MAML3: variants seen among roughly 807,000 people sequenced by gnomAD.
MAML3 encodes mastermind-like protein 3.
A neutral mutation model predicts 101.9 loss-of-function variants in MAML3; 27 were observed. The observed-to-expected ratio is 0.27, with a 90% CI of 0.20 to 0.37. The LOEUF is 0.37. Ranked by LOEUF, MAML3 falls within the 10% of genes least tolerant of loss-of-function variation. The pLI is 1.00. For synonymous variants in MAML3, 501 were observed against 555.9 expected (o/e 0.90, Z 1.39); for missense variants, 1,316 against 1,444.9 (o/e 0.91, Z 1.45).
At chr4:140,042,353 A>G (rs1336453342) in intron 1 of MAML3, among the ~76,000 whole-genome samples, 1 of 151,930 alleles carries the variant, frequency 6.6e-6, no homozygotes, top group Non-Finnish European at 1.5e-5. Flanking sequence ...AACACACCCC[A>G]CTCTGAGGGA....
chr4:139,791,592 T>G lies in MAML3; in HGVS notation c.2080-60925A>C, dbSNP rs565119368. Among the ~76,000 whole-genome samples, 6 of 151,424 alleles carry G rather than the reference T, an allele frequency of 4.0e-5. No homozygotes were observed. The East Asian group carries it at 1.2e-3, about 29-fold the overall frequency. The stretch of plus-strand genomic sequence containing the variant: ...AATATATTTCCTCTAAAATATAATA[T>G]AAAGAAGTTTCATAATACATGTAAG... On this transcript the variant is annotated intron_variant, in intron 2 of 4. Transcript: ENST00000509479.
At chr4:139,929,740 T>C (rs938210478) in intron 1 of MAML3, among the ~76,000 whole-genome samples, 1 of 152,248 alleles carries the variant, frequency 6.6e-6, no homozygotes. Flanking sequence ...ATTATGTTCT[T>C]ATTATCTTTC....
chr4:139,921,611 T>C lies in MAML3; in HGVS notation c.469-30644A>G, dbSNP rs146214566. Among the ~76,000 whole-genome samples, 7 of 152,244 alleles carry C rather than the reference T, an allele frequency of 4.6e-5. No individual in the cohort carries two copies. In the East Asian group the frequency reaches 1.4e-3, roughly 30 times the overall value. ...TATTAATGAGCTCTGCACATGTCCC[T>C]AGCCACAACACTTCTCTCTCCCCCT... On this transcript the variant is annotated intron_variant, in intron 1 of 4. Transcript: ENST00000509479.
intron 2 of MAML3, among the ~76,000 whole-genome samples, chr4:139,837,997 T>A (rs1277552080): frequency 6.6e-6 from 1 of 151,538 alleles, no homozygotes; most frequent in East Asian, 1.9e-4. Context: ...TAAATAAGAG[T>A]CATTCTGTAC....
At chr4:139,913,515 G>A (rs775774770) in intron 1 of MAML3, among the ~76,000 whole-genome samples, 17 of 152,100 alleles carry the variant, frequency 1.1e-4, no homozygotes, top group Non-Finnish European at 2.4e-4. Flanking sequence ...GTTTCATGGG[G>A]GAAAAGTCAG....
chr4:139,908,585 A>G (rs929894243), intron 1 of MAML3, among the ~76,000 whole-genome samples: 1 of 152,248 alleles, frequency 6.6e-6, no homozygotes, highest in African/African-American at 2.4e-5. Flanking sequence ...TAGTTCCCCA[A>G]GGATGTTTAT....
chr4:140,085,458 T>C (rs969361609), intron 1 of MAML3, among the ~76,000 whole-genome samples: 2 of 152,178 alleles, frequency 1.3e-5, no homozygotes, highest in African/African-American at 2.4e-5. Flanking sequence ...ACTGTGCACA[T>C]GTACAGAAGC....
At chr4:139,934,742 G>A (rs531853364) in intron 1 of MAML3, among the ~76,000 whole-genome samples, 2 of 152,282 alleles carry the variant, frequency 1.3e-5, no homozygotes, top group Admixed American at 6.5e-5. Context: ...AACCACTAAA[G>A]TGTTCTTCCC....
intron 2 of MAML3, among the ~76,000 whole-genome samples, chr4:139,774,821 T>C (rs1730061908): frequency 6.6e-6 from 1 of 152,208 alleles, no homozygotes; most frequent in South Asian, 2.1e-4. Flanking sequence ...GATATCTTAT[T>C]GAATCTCCAC....
At chr4:140,152,811 A>ACCCCCC in intron 1 of MAML3, 49 bp downstream of exon 1, 7 of 1,511,916 alleles carry the variant, frequency 4.6e-6, no homozygotes, top group East Asian at 2.4e-5. Context: ...CCCCACCACC[A>ACCCCCC]CCACCACCCC....
At chr4:140,146,533 T>G (rs75829425) in intron 1 of MAML3, among the ~76,000 whole-genome samples, 2,761 of 152,328 alleles carry the variant, frequency 0.018, 54 homozygotes, top group South Asian at 0.11. Flanking sequence ...TAAACTAAAT[T>G]AATCAGTTCT....
At chr4:140,107,686 G>T (rs1728375258) in intron 1 of MAML3, among the ~76,000 whole-genome samples, 1 of 151,634 alleles carries the variant, frequency 6.6e-6, no homozygotes, top group Admixed American at 6.6e-5. Flanking sequence ...TGTATTTTTA[G>T]TAGAGATCGG....
chr4:139,855,828 A>T (rs1381019950), intron 2 of MAML3, among the ~76,000 whole-genome samples: 1 of 152,252 alleles, frequency 6.6e-6, no homozygotes, highest in African/African-American at 2.4e-5. Context: ...AGTCCACAGG[A>T]AAACAGAATA....
chr4:139,978,946 CTCTATGACTACTTTCAAAGA>C (rs1734396535), intron 1 of MAML3, among the ~76,000 whole-genome samples: 1 of 151,838 alleles, frequency 6.6e-6, no homozygotes, highest in Non-Finnish European at 1.5e-5. Context: ...TTTCAAAGAG[CTCTATGACTACTTTCAAAGA>C]GCTCTATGAC....
At chr4:139,828,395 T>C (rs1189776513) in intron 2 of MAML3, among the ~76,000 whole-genome samples, 1 of 152,250 alleles carries the variant, frequency 6.6e-6, no homozygotes, top group Non-Finnish European at 1.5e-5. Flanking sequence ...AGGGTGTTCT[T>C]GAGCAAAGCA....
intron 1 of MAML3, among the ~76,000 whole-genome samples, chr4:139,985,472 T>A (rs1173597141): frequency 1.3e-5 from 2 of 152,246 alleles, no homozygotes. Context: ...GAAGTCTCAC[T>A]GTATACAACA....
intron 2 of MAML3, among the ~76,000 whole-genome samples, chr4:139,834,578 G>C (rs1731225560): frequency 1.3e-5 from 2 of 152,192 alleles, no homozygotes; most frequent in Admixed American, 1.3e-4. Context: ...CCTGAGCTTT[G>C]CATTTCTAAC....
chr4:139,795,904 T>C (rs577777795), intron 2 of MAML3, among the ~76,000 whole-genome samples: 1 of 152,358 alleles, frequency 6.6e-6, no homozygotes, highest in South Asian at 2.1e-4. Context: ...ACATTCTCTC[T>C]TTCTGTCTCT....
intron 1 of MAML3, among the ~76,000 whole-genome samples, chr4:139,902,759 T>A (rs1182233813): frequency 6.6e-6 from 1 of 152,208 alleles, no homozygotes; most frequent in African/African-American, 2.4e-5. Flanking sequence ...TAGACCAAGG[T>A]ACTGTTGTTA....
Sources: gnomAD v4.1 joint callset for allele counts (sites outside exome capture counted in the v4.1 genomes callset) on GRCh38, gnomAD v4.1.1 for gene constraint, MANE v1.5 for transcripts, NCBI Gene and HGNC (gene_info 2026-07-23, HGNC 2026-07-21) for gene names.